THEMIS: variants seen among roughly 807,000 people sequenced by gnomAD.
The protein encoded by THEMIS is thymocyte selection associated.
In THEMIS, 37 loss-of-function variants were observed where a neutral mutation model predicts 52.6. That is an observed-to-expected ratio of 0.70 (90% CI 0.54 to 0.93). The LOEUF (loss-of-function observed/expected upper bound fraction) is 0.93. THEMIS is among the 40% of genes least tolerant of loss of function. The pLI is 0.00. For synonymous variants in THEMIS, 292 were observed against 272.7 expected, an observed-to-expected ratio of 1.07 and a Z score of -0.70; for missense variants, 808 against 763.1, an observed-to-expected ratio of 1.06 and a Z score of -0.69.
intron 1 of THEMIS, among the ~76,000 whole-genome samples, chr6:127,891,646 C>T (rs1421652629): frequency 6.6e-6 from 1 of 152,000 alleles, no homozygotes; most frequent in African/African-American, 2.4e-5. Context: ...AATCAAGGCA[C>T]CATCAACTCT....
downstream of THEMIS, among the ~76,000 whole-genome samples, chr6:127,705,274 T>C (rs1773783964): frequency 6.6e-6 from 1 of 152,246 alleles, no homozygotes; most frequent in African/African-American, 2.4e-5. Flanking sequence ...CAATTAGACA[T>C]GTTGACTTAA....
intron 1 of THEMIS, among the ~76,000 whole-genome samples, chr6:127,907,470 A>T (rs1781304585): frequency 6.7e-6 from 1 of 148,866 alleles, no homozygotes. Flanking sequence ...ACCTTCTCCT[A>T]GTTATACCTG....
At chr6:127,914,989 T>G (rs1781490355) in intron 1 of THEMIS, among the ~76,000 whole-genome samples, 1 of 152,234 alleles carries the variant, frequency 6.6e-6, no homozygotes. Context: ...AAGCTGCTAC[T>G]TATTGATATT....
chr6:127,825,188 A>G (rs77253355), intron 3 of THEMIS, among the ~76,000 whole-genome samples: 4,054 of 152,280 alleles, frequency 0.027, 225 homozygotes, highest in African/African-American at 0.093. Context: ...CAGTATGGGA[A>G]TTTCAGTATG....
chr6:127,769,823 C>T (rs181753949), intron 4 of THEMIS, among the ~76,000 whole-genome samples: 1 of 152,202 alleles, frequency 6.6e-6, no homozygotes, highest in Non-Finnish European at 1.5e-5. Context: ...CACCCTGTGT[C>T]CAAGTGTTCT....
At chr6:127,777,063 C>G (rs1371188296) in intron 4 of THEMIS, among the ~76,000 whole-genome samples, 2 of 151,780 alleles carry the variant, frequency 1.3e-5, no homozygotes, top group Non-Finnish European at 2.9e-5. Flanking sequence ...AATACATTTT[C>G]TGTAGACAGC....
intron 2 of THEMIS, among the ~76,000 whole-genome samples, chr6:127,854,386 C>A (rs1779530222): frequency 6.6e-6 from 1 of 151,730 alleles, no homozygotes; most frequent in Non-Finnish European, 1.5e-5. Context: ...AGTCTGCCAA[C>A]CCCTAGTGTA....
chr6:127,850,248 A>C (rs147302744), intron 2 of THEMIS, among the ~76,000 whole-genome samples: 288 of 152,198 alleles, frequency 1.9e-3, no homozygotes, highest in Non-Finnish European at 3.4e-3. Context: ...TAGATGATAG[A>C]TGTTGGCATA....
intron 4 of THEMIS, among the ~76,000 whole-genome samples, chr6:127,750,366 A>T (rs1775595861): frequency 6.6e-6 from 1 of 151,608 alleles, no homozygotes; most frequent in Non-Finnish European, 1.5e-5. Context: ...CCCCTCATGT[A>T]GACATTACAA....
chr6:127,914,850 T>C (rs2114539018), intron 1 of THEMIS, among the ~76,000 whole-genome samples: 1 of 152,288 alleles, frequency 6.6e-6, no homozygotes, highest in South Asian at 2.1e-4. Flanking sequence ...CTATTTTGTT[T>C]GAAACAAAGT....
At chr6:127,762,989 A>G (rs913794274) in intron 4 of THEMIS, among the ~76,000 whole-genome samples, 1 of 152,000 alleles carries the variant, frequency 6.6e-6, no homozygotes, top group African/African-American at 2.4e-5. Context: ...AGACCCATAC[A>G]ACCATTATAT....
At chr6:127,790,261 G>C (rs992034016) in intron 4 of THEMIS, among the ~76,000 whole-genome samples, 3 of 152,160 alleles carry the variant, frequency 2.0e-5, no homozygotes, top group African/African-American at 4.8e-5. Context: ...CAAGCTGTGA[G>C]CTATAGCACA....
intron 1 of THEMIS, among the ~76,000 whole-genome samples, chr6:127,855,585 C>G: frequency 1.3e-5 from 2 of 151,794 alleles, no homozygotes; most frequent in Non-Finnish European, 2.9e-5. Context: ...GGTTGTCATA[C>G]AATTGGAGAT....
intron 3 of THEMIS, among the ~76,000 whole-genome samples, chr6:127,817,538 G>GT (rs908949489): frequency 2.0e-4 from 30 of 152,146 alleles, no homozygotes; most frequent in South Asian, 8.3e-4. Context: ...TTTCATCCAA[G>GT]TTTTTTTAAT....
At chr6:127,814,865 CTT>C (rs1778070257) in intron 3 of THEMIS, among the ~76,000 whole-genome samples, 1 of 152,106 alleles carries the variant, frequency 6.6e-6, no homozygotes, top group African/African-American at 2.4e-5. Context: ...AATTAATAAA[CTT>C]ATGTATTGGC....
chr6:127,771,060 C>A (rs1311493598), intron 4 of THEMIS, among the ~76,000 whole-genome samples: 1 of 152,116 alleles, frequency 6.6e-6, no homozygotes, highest in East Asian at 1.9e-4. Context: ...TGCTGATAAG[C>A]AACTTCAGCA....
chr6:127,744,473 A>G (rs1775315888), intron 4 of THEMIS, among the ~76,000 whole-genome samples: 1 of 152,060 alleles, frequency 6.6e-6, no homozygotes, highest in African/African-American at 2.4e-5. Context: ...GGATATATTC[A>G]TACAATGAAA....
At position 127,813,526 on chromosome 6, in the gene THEMIS, G is replaced by C. The variant is rs140826347; in HGVS notation, c.1115C>G (p.Ala372Gly). The C allele has an allele frequency of 6.2e-7, 1 of 1,613,338 alleles. No individual in the cohort carries two copies. The highest frequency in any genetic ancestry group is 1.3e-5 in the African/African-American group (1 of 74,956). Residue 372 changes from alanine (A) to glycine (G), a missense_variant, in exon 4 of 6, where the codon GCG (alanine) becomes GGG (glycine). Transcript: ENST00000368248. ...CAGCTTGTCATGAGGGGAATGAAAC[G>C]CTTTGGTGGCCACCACGTGAAGAGG... ...KEPLHVVATK[A>G]FHSPHDKLSS...
chr6:127,820,218 G>T (rs1213150000), intron 3 of THEMIS, among the ~76,000 whole-genome samples: 1 of 151,998 alleles, frequency 6.6e-6, no homozygotes, highest in African/African-American at 2.4e-5. Context: ...TAAAATTACA[G>T]TAGGCAGAAA....
Sources: allele counts gnomAD v4.1 joint callset (sites outside exome capture counted in the v4.1 genomes callset), GRCh38; gene constraint gnomAD v4.1.1; transcripts MANE v1.5; gene names NCBI Gene and HGNC (gene_info 2026-07-23, HGNC 2026-07-21).